The following TULP4 variants were observed in gnomAD, a reference collection of about 807,000 sequenced individuals.
TULP4 encodes tubby-related protein 4.
In TULP4, 16 loss-of-function variants were observed where a neutral mutation model predicts 129.0. That is an observed-to-expected ratio of 0.12 (90% confidence interval 0.08 to 0.19). TULP4 has a LOEUF of 0.19. Among genes scored for constraint, TULP4 ranks in the 10% least tolerant of loss-of-function variants. The pLI, the probability that TULP4 is intolerant of heterozygous loss-of-function variation, is 1.00. For synonymous variants in TULP4, 998 were observed against 854.0 expected, an observed-to-expected ratio of 1.17 and a Z score of -2.94; for missense variants, 1,842 against 2,059.1, an observed-to-expected ratio of 0.89 and a Z score of 2.04.
chr6:158,325,486 G>A (rs1779725768), intron 1 of TULP4, among the ~76,000 whole-genome samples: 1 of 151,564 alleles, frequency 6.6e-6, no homozygotes, highest in African/African-American at 2.4e-5. Flanking sequence ...CCGAGTAGCT[G>A]GGACTACAGG....
In TULP4 at chr6:158,452,893, T is replaced by G. The variant is rs193055105; in HGVS notation, c.859+625T>G. Among the ~76,000 whole-genome samples, 22 of 152,350 alleles carry G rather than the reference T, an allele frequency of 1.4e-4. 1 individual carries two copies. Among genetic ancestry groups the G allele is most frequent in the Admixed American group, 1.3e-3 (20 of 15,310 alleles). ...GAATTTTGCAGTTCAAGAGTACTGT[T>G]GATGTTGTTGACCCCATTGATGTGA... is the stretch of plus-strand genomic sequence containing the variant. On this transcript the variant is annotated intron_variant, in intron 5 of 13. Transcript: ENST00000367097.
At chr6:158,426,373 T>G (rs1444133970) in intron 2 of TULP4, among the ~76,000 whole-genome samples, 2 of 152,256 alleles carry the variant, frequency 1.3e-5, no homozygotes, top group African/African-American at 4.8e-5. Flanking sequence ...CATTTAAGTC[T>G]TTAATCTTGA....
In TULP4 at chr6:158,493,189, G is replaced by A. The variant is rs948304779; in HGVS notation, c.1632-384G>A. On this transcript the variant is annotated intron_variant, in intron 9 of 13. Coordinates refer to ENST00000367097, the MANE Select transcript of TULP4 (RefSeq NM_020245.5). This position sits in a 1 kb window ranked among gnomAD's most constrained non-coding sequence, Gnocchi z 4.4. ...TGGATCTCATTTCAGTGTATACTAA[G>A]TATATTTTGAGATGGGGTCTTGCTC... Among the ~76,000 whole-genome samples the A allele has an allele frequency of 6.6e-6, 1 of 152,130 alleles. No individual in the cohort carries two copies. The highest frequency in any genetic ancestry group is 1.5e-5 in the Non-Finnish European group (1 of 68,034).
Position 158,501,712 on chromosome 6 carries a change from A to T in TULP4, c.2049A>T (p.Pro683=). The T allele has an allele frequency of 2.5e-6, 4 of 1,613,656 alleles. No homozygotes were observed. Among genetic ancestry groups the T allele is most frequent in the Non-Finnish European group, 3.4e-6 (4 of 1,179,694 alleles). The change falls in exon 13 of 14, where the codon CCA becomes CCT. Residue 683 remains proline, a synonymous_variant. Coordinates refer to ENST00000367097, the MANE Select transcript of TULP4 (RefSeq NM_020245.5). ...CATCTGGTGTCCCTGAGAACAGCCC[A>T]CCTTGTACCGTGAACATCCCTATTG... ...TGASGVPENS[P]PCTVNIPIAP...
intron 1 of TULP4, among the ~76,000 whole-genome samples, chr6:158,406,172 CAG>C (rs1253349168): frequency 6.6e-6 from 1 of 152,178 alleles, no homozygotes; most frequent in Non-Finnish European, 1.5e-5. Context: ...AGAGAGAAGA[CAG>C]AGCCTCTTGG....
At chr6:158,344,297 G>A (rs751801131) in intron 1 of TULP4, among the ~76,000 whole-genome samples, 12 of 152,170 alleles carry the variant, frequency 7.9e-5, no homozygotes, top group Non-Finnish European at 1.8e-4. Flanking sequence ...AAACAGCCTT[G>A]TTGCTCACAC....
rs746002490 is a variant in TULP4, at chr6:158,479,924, GC to G, written c.1207del (p.Arg403AlafsTer24). ...ACAAGGACGTCAGCAAGCTGACTCTGCCCCCCCGCCTCTGCTCCTACCTCTC... is the reference window on the plus strand; with the variant it reads ...ACAAGGACGTCAGCAAGCTGACTCTGCCCCCCGCCTCTGCTCCTACCTCTC... ...EDKDVSKLTL[P>X]PRLCSYLSTA... On this transcript the variant is annotated frameshift_variant, in exon 7 of 14. Transcript: ENST00000367097. LOFTEE classifies it high-confidence loss of function. 3.1e-6 allele frequency: 5 copies of G among 1,610,060 alleles called. No individual in the cohort carries two copies. The highest frequency in any genetic ancestry group is 1.7e-6 in the Non-Finnish European group (2 of 1,179,466).
intron 8 of TULP4, among the ~76,000 whole-genome samples, chr6:158,486,882 G>A (rs970891605): frequency 3.3e-5 from 5 of 152,038 alleles, no homozygotes; most frequent in Admixed American, 6.6e-5. Context: ...AGGCCAAGGC[G>A]GGAGGATTGC....
chr6:158,433,891 A>G (rs1249709690), intron 3 of TULP4, among the ~76,000 whole-genome samples: 1 of 152,236 alleles, frequency 6.6e-6, no homozygotes, highest in Non-Finnish European at 1.5e-5. Flanking sequence ...TTGGGCTGCC[A>G]TGACAGAATA....
chr6:158,388,458 T>TC (rs1777507678), intron 1 of TULP4, among the ~76,000 whole-genome samples: 1 of 150,204 alleles, frequency 6.7e-6, no homozygotes, highest in Non-Finnish European at 1.5e-5. Context: ...GCTTCCTGAG[T>TC]AGCTGAGACT....
intron 12 of TULP4, among the ~76,000 whole-genome samples, chr6:158,500,616 A>C (rs565867012): frequency 3.9e-5 from 6 of 152,332 alleles, no homozygotes; most frequent in Admixed American, 3.3e-4. Context: ...TGGGCACTTT[A>C]AACAGGGTGG....
chr6:158,418,099 G>GTGTT (rs1409031516), intron 2 of TULP4, among the ~76,000 whole-genome samples: 3 of 134,260 alleles, frequency 2.2e-5, no homozygotes, highest in African/African-American at 8.4e-5. Context: ...GTGTGTGTGT[G>GTGTT]TTTTTTTTTT....
chr6:158,388,283 T>TAC (rs1777495098), intron 1 of TULP4, among the ~76,000 whole-genome samples: 1 of 151,428 alleles, frequency 6.6e-6, no homozygotes, highest in South Asian at 2.1e-4. Flanking sequence ...AAATTGAACT[T>TAC]ACATACATTG....
At chr6:158,284,045 A>G (rs1284975920) in intron 1 of TULP4, among the ~76,000 whole-genome samples, 1 of 152,226 alleles carries the variant, frequency 6.6e-6, no homozygotes. Flanking sequence ...GAAATACTGC[A>G]AAAGATACAG....
intron 1 of TULP4, among the ~76,000 whole-genome samples, chr6:158,306,347 G>A (rs1779216029): frequency 6.6e-6 from 1 of 152,176 alleles, no homozygotes; most frequent in South Asian, 2.1e-4. Context: ...TTGGGCCCAG[G>A]AGTTTTCGAG....
In TULP4 at chr6:158,425,874, G is replaced by A. The variant is rs535550742; in HGVS notation, c.382-3862G>A. The stretch of plus-strand genomic sequence containing the variant: ...CTCCCAAAGTGTTGGGATTATAGGC[G>A]TGAGCCACCTCGCCCTGCCCTGTTT... On this transcript the variant is annotated intron_variant, in intron 2 of 13. Transcript: ENST00000367097. Among the ~76,000 whole-genome samples, 31 of 152,262 alleles carry A rather than the reference G, an allele frequency of 2.0e-4. No individual in the cohort carries two copies. In the East Asian group the frequency reaches 3.9e-3, roughly 19 times the overall value.
intron 1 of TULP4, among the ~76,000 whole-genome samples, chr6:158,262,373 C>T (rs1454839770): frequency 2.6e-5 from 4 of 152,274 alleles, no homozygotes; most frequent in African/African-American, 9.6e-5. Flanking sequence ...ACTGGTAACA[C>T]GCCTACGGTG....
chr6:158,381,923 A>G (rs569227092), intron 1 of TULP4, among the ~76,000 whole-genome samples: 10 of 151,834 alleles, frequency 6.6e-5, no homozygotes, highest in Non-Finnish European at 1.0e-4. Context: ...TTTTTTTGTT[A>G]TTGTTGTTGT....
At chr6:158,267,187 C>T (rs1393454406) in intron 1 of TULP4, among the ~76,000 whole-genome samples, 1 of 152,198 alleles carries the variant, frequency 6.6e-6, no homozygotes, top group Non-Finnish European at 1.5e-5. Flanking sequence ...TGTCAATACA[C>T]ATTTTGTTAA....
Sources: gnomAD v4.1 joint callset for allele counts (sites outside exome capture counted in the v4.1 genomes callset) on GRCh38, gnomAD v4.1.1 for gene constraint, Gnocchi (gnomAD v3.1) non-coding constraint, MANE v1.5 for transcripts, NCBI Gene and HGNC (gene_info 2026-07-23, HGNC 2026-07-21) for gene names.